The following MBOAT1 variants were observed in gnomAD, a reference collection of about 807,000 sequenced individuals.
MBOAT1 encodes membrane-bound glycerophospholipid O-acyltransferase 1.
Under a neutral mutation model 64.4 loss-of-function variants are expected in MBOAT1, and 67 were observed. That is an observed-to-expected ratio of 1.04 (90% CI 0.85 to 1.27). The LOEUF (loss-of-function observed/expected upper bound fraction) is 1.27. Ranked by LOEUF, MBOAT1 falls within the 50% of genes most tolerant of loss-of-function variation. The pLI is 0.00. For synonymous variants in MBOAT1, 229 were observed against 218.9 expected, an observed-to-expected ratio of 1.05 and a Z score of -0.41; for missense variants, 563 against 604.6, an observed-to-expected ratio of 0.93 and a Z score of 0.72.
rs757097076 is a variant in MBOAT1, at chr6:20,131,229, T to G, written c.420-30A>C. 1.6e-5 allele frequency: 25 copies of G among 1,600,576 alleles called. No homozygotes were observed. In the South Asian group the frequency reaches 2.6e-4, roughly 17 times the overall value. On this transcript the variant is annotated intron_variant, in intron 4 of 12. Coordinates refer to ENST00000324607, the MANE Select transcript of MBOAT1 (RefSeq NM_001080480.3). ...AAGGAAGACAGAAAATAATCAAGAT[T>G]GGCAAGAAGGCCATTGATGTGGTCT...
intron 1 of MBOAT1, among the ~76,000 whole-genome samples, chr6:20,198,915 G>A (rs1312050269): frequency 2.6e-5 from 4 of 152,048 alleles, no homozygotes; most frequent in Admixed American, 6.6e-5. Context: ...TTTTAAGTTC[G>A]ACCTAAATGT....
At chr6:20,159,006 A>T (rs1761772463) in intron 1 of MBOAT1, among the ~76,000 whole-genome samples, 1 of 152,238 alleles carries the variant, frequency 6.6e-6, no homozygotes, top group Non-Finnish European at 1.5e-5. Flanking sequence ...GGAAAACGGT[A>T]TGGAAGTTCC....
chr6:20,100,834 T>C lies in MBOAT1; in HGVS notation c.*1452A>G, dbSNP rs533861471. Among the ~76,000 whole-genome samples the C allele has an allele frequency of 6.8e-6, 1 of 146,620 alleles. No homozygotes were observed. Among genetic ancestry groups the C allele is most frequent in the South Asian group, 2.1e-4 (1 of 4,816 alleles). ...CATTGCAGCATATACTTTATTATTATCATCATTATTATTTTCCACAACATT... is the reference window on the plus strand; with the variant it reads ...CATTGCAGCATATACTTTATTATTACCATCATTATTATTTTCCACAACATT... On this transcript the variant is annotated 3_prime_UTR_variant, in exon 13 of 13. Transcript: ENST00000324607.
chr6:20,158,943 A>G (rs950821451), intron 1 of MBOAT1, among the ~76,000 whole-genome samples: 6 of 152,184 alleles, frequency 3.9e-5, no homozygotes, highest in African/African-American at 1.4e-4. Flanking sequence ...CTTGTGGAGA[A>G]AAGGGAACGC....
At chr6:20,138,998 A>C (rs201285306) in intron 4 of MBOAT1, among the ~76,000 whole-genome samples, 2 of 152,132 alleles carry the variant, frequency 1.3e-5, no homozygotes, top group East Asian at 3.9e-4. Context: ...CTCCATCTTG[A>C]CATGGCCGTC....
chr6:20,129,300 A>T (rs1419769536), intron 5 of MBOAT1, among the ~76,000 whole-genome samples: 1 of 152,238 alleles, frequency 6.6e-6, no homozygotes. Context: ...ATTACAAAGA[A>T]ATTATCAGAG....
chr6:20,151,278 G>A lies in MBOAT1; in HGVS notation c.246-16C>T. The A allele has an allele frequency of 1.3e-6, 2 of 1,566,214 alleles. No homozygotes were observed. The highest frequency in any genetic ancestry group is 1.8e-6 in the Non-Finnish European group (2 of 1,138,138). On this transcript the variant is annotated splice_polypyrimidine_tract_variant and intron_variant, in intron 2 of 12. Coordinates refer to ENST00000324607, the MANE Select transcript of MBOAT1 (RefSeq NM_001080480.3). The stretch of plus-strand genomic sequence containing the variant: ...CACAGAGTACCTTTAAGACATAATA[G>A]TAGGGGGAGGAGTAATGAATATATT...
intron 1 of MBOAT1, among the ~76,000 whole-genome samples, chr6:20,175,694 A>G (rs1318774253): frequency 2.0e-5 from 3 of 150,636 alleles, no homozygotes; most frequent in Non-Finnish European, 4.4e-5. Context: ...CTGGTCTCAA[A>G]CTCCTGAGCT....
intron 1 of MBOAT1, among the ~76,000 whole-genome samples, chr6:20,159,948 T>C (rs1286089085): frequency 6.6e-6 from 1 of 152,220 alleles, no homozygotes; most frequent in Non-Finnish European, 1.5e-5. Flanking sequence ...CAATGTGCTC[T>C]CAACAATTAA....
At chr6:20,111,663 C>A (rs907346842) in intron 11 of MBOAT1, among the ~76,000 whole-genome samples, 5 of 151,330 alleles carry the variant, frequency 3.3e-5, no homozygotes, top group African/African-American at 1.2e-4. Context: ...ACCACTTGTT[C>A]TTTAGTTTTC....
At chr6:20,118,141 G>A (rs530411081) in intron 9 of MBOAT1, among the ~76,000 whole-genome samples, 1 of 152,192 alleles carries the variant, frequency 6.6e-6, no homozygotes, top group Non-Finnish European at 1.5e-5. Context: ...GTACTTTCTA[G>A]TTGAAAGAGC....
rs1761875767 is a variant in MBOAT1, at chr6:20,161,933, G to GC, written c.100-9165dup. Among the ~76,000 whole-genome samples the GC allele has an allele frequency of 2.0e-5, 3 of 152,126 alleles. No individual in the cohort carries two copies. The South Asian group carries it at 6.2e-4, about 32-fold the overall frequency. ...ATTTATTTTTCTCCCAGTTCAGGAGGCTGGTATCTGAGATTGAGGGTGTCG... is the reference window on the plus strand; with the variant it reads ...ATTTATTTTTCTCCCAGTTCAGGAGGCCTGGTATCTGAGATTGAGGGTGTCG... On this transcript the variant is annotated intron_variant, in intron 1 of 12. Coordinates refer to ENST00000324607, the MANE Select transcript of MBOAT1 (RefSeq NM_001080480.3).
intron 1 of MBOAT1, among the ~76,000 whole-genome samples, chr6:20,187,522 T>C (rs914373375): frequency 9.9e-5 from 15 of 152,168 alleles, no homozygotes; most frequent in Admixed American, 2.6e-4. Flanking sequence ...CCACTGAAAA[T>C]AGTTTCAAAT....
chr6:20,177,539 C>T (rs1367382224), intron 1 of MBOAT1, among the ~76,000 whole-genome samples: 1 of 151,902 alleles, frequency 6.6e-6, no homozygotes, highest in South Asian at 2.1e-4. Flanking sequence ...TTTGGGAGGC[C>T]GAGGTGGGTG....
rs1200886307 is a variant in MBOAT1 at position 20,099,950 on chromosome 6, G to T, written c.*2336C>A. 1.3e-5 allele frequency among the ~76,000 whole-genome samples: 2 copies of T among 152,138 alleles called. No homozygotes were observed. The highest frequency in any genetic ancestry group is 2.9e-5 in the Non-Finnish European group (2 of 68,014). On this transcript the variant is annotated 3_prime_UTR_variant, in exon 13 of 13. Transcript: ENST00000324607. The stretch of plus-strand genomic sequence containing the variant: ...TTATACAGAATAAAGCCTCATGTTT[G>T]TGTCCCAGGGCCTAACACCAAGTCT...
At chr6:20,102,507 C>A (rs1759831477) in intron 12 of MBOAT1, 95 bp from the exon 13 acceptor site, 3 of 1,087,800 alleles carry the variant, frequency 2.8e-6, no homozygotes, top group South Asian at 1.6e-5. Flanking sequence ...CAAGTGAGAG[C>A]ACCGCTTTTG....
At chr6:20,129,561 G>GAA (rs567181734) in intron 5 of MBOAT1, among the ~76,000 whole-genome samples, 12 of 140,036 alleles carry the variant, frequency 8.6e-5, no homozygotes, top group South Asian at 2.2e-4. Flanking sequence ...CACACACCAG[G>GAA]AAAAAAAAAA....
In MBOAT1 at chr6:20,111,848, A is replaced by ATATATATACG. The variant is rs1561746286; in HGVS notation, c.1209+1027_1209+1028insCGTATATATA. On this transcript the variant is annotated intron_variant, in intron 11 of 12. Coordinates refer to ENST00000324607, the MANE Select transcript of MBOAT1 (RefSeq NM_001080480.3). ...TACATATATATACACATATATATAC[A>ATATATATACG]TATATATATACATATATATACATAT... Among the ~76,000 whole-genome samples, 16 of 87,594 alleles carry ATATATATACG rather than the reference A, an allele frequency of 1.8e-4. 1 individual carries two copies. The highest frequency in any genetic ancestry group is 2.9e-4 in the African/African-American group (6 of 20,748). The allele number at this position is 87,594 out of a possible 152,430, so 57.5% of individuals were successfully genotyped here. A position where few individuals can be genotyped will look rare whatever the true frequency, so the allele number is the denominator to read the frequency against.
At chr6:20,200,568 G>A (rs534865037) in intron 1 of MBOAT1, among the ~76,000 whole-genome samples, 22 of 152,184 alleles carry the variant, frequency 1.4e-4, no homozygotes, top group South Asian at 8.3e-4. Context: ...TGTCCCTTAC[G>A]TCCATGTCCC....
Sources: allele counts gnomAD v4.1 joint callset (sites outside exome capture counted in the v4.1 genomes callset), GRCh38; gene constraint gnomAD v4.1.1; transcripts MANE v1.5; gene names NCBI Gene and HGNC (gene_info 2026-07-23, HGNC 2026-07-21).